The following SLC5A10 variants were observed in gnomAD, a reference collection of about 807,000 sequenced individuals.
The protein encoded by SLC5A10 is solute carrier family 5 member 10.
In SLC5A10, 55 loss-of-function variants were observed where a neutral mutation model predicts 68.9. The observed-to-expected ratio is 0.80, with a 90% confidence interval of 0.64 to 1.00. The LOEUF is 1.00. Ranked by LOEUF, SLC5A10 falls within the 50% of genes least tolerant of loss-of-function variation. SLC5A10 has a pLI of 0.00. For synonymous variants in SLC5A10, 344 were observed against 344.8 expected (o/e 1.00, Z 0.02); for missense variants, 732 against 819.3 (o/e 0.89, Z 1.30).
In SLC5A10 at chr17:18,996,136, G is replaced by GAA. The variant is rs529997491; in HGVS notation, c.983-17262_983-17261dup. 0.077 allele frequency among the ~76,000 whole-genome samples: 10,595 copies of GAA among 137,534 alleles called. 699 individuals are homozygous for GAA. The highest frequency in any genetic ancestry group is 0.33 in the South Asian group (1,468 of 4,514). The allele number at this position is 137,534 out of a possible 152,430, so 90.2% of individuals were successfully genotyped here. A position where few individuals can be genotyped will look rare whatever the true frequency, so the allele number is the denominator to read the frequency against. ...GGCAATATCTTTAAAGTACTAAATG[G>GAA]AAAAAAAAAAAAATCAACTTAGAAT... is the stretch of plus-strand genomic sequence containing the variant. On this transcript the variant is annotated intron_variant, in intron 9 of 14. Transcript: ENST00000395645. The surrounding 1 kb of genome is among the most constrained non-coding windows in gnomAD (Gnocchi z 4.4).
Position 19,015,193 on chromosome 17 carries a change from TGGGACGGTACGGGGGTG to T in SLC5A10, c.1239_1241+14del. On this transcript the variant is annotated splice_donor_variant and splice_donor_5th_base_variant and coding_sequence_variant and intron_variant, in exon 11 of 15. Transcript: ENST00000395645. LOFTEE classifies it high-confidence loss of function. ...TCCGGCGAGCGGGAGCTCCTGCTGG[TGGGACGGTACGGGGGTG>T]GGGGCCAGTACGGGGGTGGGGGAAC... 2.9e-6 allele frequency: 1 copy of T among 340,052 alleles called. No homozygotes were observed. The allele number at this position is 340,052 out of a possible 1,614,324, so 21.1% of individuals were successfully genotyped here.
intron 9 of SLC5A10, among the ~76,000 whole-genome samples, chr17:18,980,043 G>A (rs1442122401): frequency 6.6e-6 from 1 of 152,206 alleles, no homozygotes; most frequent in African/African-American, 2.4e-5. Context: ...TCCTGAGCGG[G>A]AGGGTGATGT....
chr17:19,007,106 G>A (rs1457881919), intron 9 of SLC5A10, among the ~76,000 whole-genome samples: 1 of 152,010 alleles, frequency 6.6e-6, no homozygotes, highest in South Asian at 2.1e-4. Context: ...ACTTTTTCCA[G>A]AGTGGCTGTA....
At chr17:18,977,283 G>T (rs1225262574) in intron 9 of SLC5A10, 3 of 579,114 alleles carry the variant, frequency 5.2e-6, no homozygotes, top group Middle Eastern at 9.1e-4. Context: ...CACCCATCTG[G>T]CAGGTGCCAT....
chr17:18,963,722 G>T lies in SLC5A10; in HGVS notation c.453+3070G>T, dbSNP rs1050513688. On this transcript the variant is annotated intron_variant, in intron 5 of 14. Coordinates refer to ENST00000395645, the MANE Select transcript of SLC5A10 (RefSeq NM_001042450.4). ...GTGCCTGCTGCCATCCCTCAGGCAG[G>T]GGCACTGGCCCACAGGAGGACCGGC... Among the ~76,000 whole-genome samples, 6 of 152,234 alleles carry T rather than the reference G, an allele frequency of 3.9e-5. No individual in the cohort carries two copies. In the South Asian group the frequency reaches 6.2e-4, roughly 16 times the overall value.
At chr17:18,995,750 A>C (rs970423524) in intron 9 of SLC5A10, among the ~76,000 whole-genome samples, 6 of 152,288 alleles carry the variant, frequency 3.9e-5, no homozygotes, top group African/African-American at 1.4e-4. Flanking sequence ...TCTACTAAAA[A>C]TACAAAAATT....
At chr17:18,978,855 A>G in intron 9 of SLC5A10, 1 of 1,610,762 alleles carries the variant, frequency 6.2e-7, no homozygotes, top group South Asian at 1.1e-5. Flanking sequence ...GTGAAGCTGC[A>G]ACAGAGGGAG....
Position 18,968,938 on chromosome 17 carries a change from T to G in SLC5A10, c.454-114T>G. 1.1e-6 allele frequency: 1 copy of G among 890,428 alleles called. No individual in the cohort carries two copies. The highest frequency in any genetic ancestry group is 2.6e-5 in the East Asian group (1 of 37,938). 55.2% of individuals were successfully genotyped at this position (890,428 alleles called of 1,614,324 possible). A position where few individuals can be genotyped will look rare whatever the true frequency, so the allele number is the denominator to read the frequency against. ...CAGGCAGGCGAGTGGGGGTCTCCCC[T>G]CCTTATCCACAGGCCACCGAGGCCC... On this transcript the variant is annotated intron_variant, in intron 5 of 14. Coordinates refer to ENST00000395645, the MANE Select transcript of SLC5A10 (RefSeq NM_001042450.4). This position sits in a 1 kb window ranked among gnomAD's most constrained non-coding sequence, Gnocchi z 4.1.
rs1020274741 is a variant in SLC5A10, at chr17:18,959,305, G to A, written c.288+66G>A. 3.3e-6 allele frequency: 5 copies of A among 1,505,066 alleles called. No individual in the cohort carries two copies. The Admixed American group carries it at 8.4e-5, about 25-fold the overall frequency. The allele number at this position is 1,505,066 out of a possible 1,614,324, so 93.2% of individuals were successfully genotyped here. A position where few individuals can be genotyped will look rare whatever the true frequency, so the allele number is the denominator to read the frequency against. On this transcript the variant is annotated intron_variant, in intron 3 of 14. Coordinates refer to ENST00000395645, the MANE Select transcript of SLC5A10 (RefSeq NM_001042450.4). Reference sequence around the variant, plus strand: ...CACAGGATGTGGTCGCAGCACTGGAGGGGGACAGCTCCCAGTGGCTGGTGT... The same window carrying A: ...CACAGGATGTGGTCGCAGCACTGGAAGGGGACAGCTCCCAGTGGCTGGTGT...
chr17:18,991,490 G>T (rs2043423499), intron 9 of SLC5A10, among the ~76,000 whole-genome samples: 1 of 152,232 alleles, frequency 6.6e-6, no homozygotes, highest in African/African-American at 2.4e-5. Flanking sequence ...GTCCTGGGCA[G>T]GGCAAGGGCT....
At chr17:18,976,782 C>T (rs1191419169) in intron 8 of SLC5A10, 72 bp from the exon 9 acceptor site, 2 of 1,571,302 alleles carry the variant, frequency 1.3e-6, no homozygotes, top group Admixed American at 1.7e-5. Context: ...TTCCCTGAGG[C>T]CCACCAAGGA....
At chr17:18,970,979 C>G in intron 7 of SLC5A10, 34 bp from the exon 8 acceptor site, 3 of 1,608,108 alleles carry the variant, frequency 1.9e-6, no homozygotes, top group Non-Finnish European at 2.6e-6. Flanking sequence ...CCCGCAACCA[C>G]CAAACTGTCC....
chr17:18,981,781 G>A (rs1187797908), intron 9 of SLC5A10, among the ~76,000 whole-genome samples: 2 of 151,788 alleles, frequency 1.3e-5, no homozygotes, highest in East Asian at 2.0e-4. Flanking sequence ...CCCCCACCCC[G>A]CAGGCTGCAG....
intron 9 of SLC5A10, among the ~76,000 whole-genome samples, chr17:19,007,785 A>G (rs536128668): frequency 6.6e-6 from 1 of 152,272 alleles, no homozygotes; most frequent in East Asian, 1.9e-4. Context: ...CAGTTTATCA[A>G]TTTTTCCTTT....
intron 9 of SLC5A10, among the ~76,000 whole-genome samples, chr17:18,983,714 G>A (rs2043194691): frequency 6.6e-6 from 1 of 152,212 alleles, no homozygotes; most frequent in Non-Finnish European, 1.5e-5. Flanking sequence ...AGGGTGGAGA[G>A]GGGTGGTCAA....
chr17:18,958,546 T>A, intron 1 of SLC5A10, 136 bp from the exon 2 acceptor site: 1 of 645,698 alleles, frequency 1.5e-6, no homozygotes, highest in Non-Finnish European at 2.8e-6. Context: ...TTTGGACATA[T>A]ACCTAGGAGT....
chr17:18,983,130 C>T (rs1209391453), intron 9 of SLC5A10, among the ~76,000 whole-genome samples: 1 of 152,238 alleles, frequency 6.6e-6, no homozygotes, highest in Non-Finnish European at 1.5e-5. Flanking sequence ...GGTTGGTGGG[C>T]TCAGGTAGGG....
chr17:18,977,758 T>C (rs2043016870), intron 9 of SLC5A10: 2 of 1,604,626 alleles, frequency 1.2e-6, no homozygotes, highest in Admixed American at 1.7e-5. Flanking sequence ...CGTTGGCCAC[T>C]TGCTCTGAGT....
chr17:18,960,377 G>A (rs1018001153), intron 4 of SLC5A10, among the ~76,000 whole-genome samples, 171 bp from the exon 5 acceptor site: 12 of 152,240 alleles, frequency 7.9e-5, no homozygotes, highest in Non-Finnish European at 1.5e-4. Flanking sequence ...AGCAGCCCGG[G>A]ATTCCAGGCC....
Sources: allele counts gnomAD v4.1 joint callset (sites outside exome capture counted in the v4.1 genomes callset), GRCh38; gene constraint gnomAD v4.1.1; non-coding constraint Gnocchi (gnomAD v3.1); transcripts MANE v1.5; gene names NCBI Gene and HGNC (gene_info 2026-07-23, HGNC 2026-07-21).